PRMT1: variants seen among roughly 807,000 people sequenced by gnomAD.
The protein encoded by PRMT1 is protein arginine methyltransferase 1, also known as protein arginine N-methyltransferase 1.
PRMT1 carries 5 observed loss-of-function variants against 47.4 expected under a neutral mutation model. The ratio of observed to expected loss-of-function variants is 0.11; its 90% CI spans 0.06 to 0.22. The LOEUF (loss-of-function observed/expected upper bound fraction) is 0.22. Among genes scored for constraint, PRMT1 ranks in the 10% least tolerant of loss-of-function variants. PRMT1 has a pLI of 1.00. For missense variants in PRMT1, 249 were observed against 518.4 expected (o/e 0.48, Z 5.05); for synonymous variants, 227 against 204.6 (o/e 1.11, Z -0.94).
chr19:49,678,449 C>T (rs890693761), intron 1 of PRMT1, among the ~76,000 whole-genome samples: 1 of 152,088 alleles, frequency 6.6e-6, no homozygotes, highest in Admixed American at 6.6e-5. Flanking sequence ...CGGTAGTTTT[C>T]AGTGGTATTG....
In PRMT1 at chr19:49,685,675, G is replaced by T; in HGVS notation, c.760-418G>T. The T allele has an allele frequency of 1.9e-6, 2 of 1,035,984 alleles. No individual in the cohort carries two copies. Among genetic ancestry groups the T allele is most frequent in the Non-Finnish European group, 2.3e-6 (2 of 860,898 alleles). 64.2% of individuals were successfully genotyped at this position (1,035,984 alleles called of 1,614,324 possible). ...GAGTGGGGGAGGAGAGGAGACTACA[G>T]GGGCAGGGACCCCACTCGGGCCACC... On this transcript the variant is annotated intron_variant, in intron 8 of 10. Transcript: ENST00000454376. This position sits in a 1 kb window ranked among gnomAD's most constrained non-coding sequence, Gnocchi z 4.7.
chr19:49,685,855 C>G lies in PRMT1; in HGVS notation c.760-238C>G. On this transcript the variant is annotated intron_variant, in intron 8 of 10. Coordinates refer to ENST00000454376, the MANE Select transcript of PRMT1 (RefSeq NM_001536.6). The surrounding 1 kb of genome is among the most constrained non-coding windows in gnomAD (Gnocchi z 4.7). ...TCTGGACAGAGTTAGGGTGGCACTG[C>G]CAGGTTTGGGTGTTGGAGAGGAGGG... The G allele has an allele frequency of 7.3e-7, 1 of 1,369,358 alleles. No homozygotes were observed. The highest frequency in any genetic ancestry group is 1.6e-5 in the South Asian group (1 of 61,566). 84.8% of individuals were successfully genotyped at this position (1,369,358 alleles called of 1,614,324 possible).
Position 49,688,097 on chromosome 19 carries a change from C to T in PRMT1, c.1033-65C>T. On this transcript the variant is annotated intron_variant, in intron 10 of 10. Transcript: ENST00000454376. The surrounding 1 kb of genome is among the most constrained non-coding windows in gnomAD (Gnocchi z 5.3). Reference sequence around the variant, plus strand: ...CCCGGCTCATCGTCGCATAGCCTGCCTGCACCCGCCCCCCGCCACCACCTC... The same window carrying T: ...CCCGGCTCATCGTCGCATAGCCTGCTTGCACCCGCCCCCCGCCACCACCTC... 1 of 1,414,868 alleles carries T rather than the reference C, an allele frequency of 7.1e-7. No homozygotes were observed. The highest frequency in any genetic ancestry group is 1.7e-5 in the Admixed American group (1 of 59,736). 87.6% of individuals were successfully genotyped at this position (1,414,868 alleles called of 1,614,324 possible). A position where few individuals can be genotyped will look rare whatever the true frequency, so the allele number is the denominator to read the frequency against.
chr19:49,682,213 C>T lies in PRMT1; in HGVS notation c.366C>T (p.Ile122=). The change falls in exon 5 of 11, where the codon ATC becomes ATT. Residue 122 remains isoleucine (I), a synonymous_variant. Transcript: ENST00000454376. The part of the protein sequence containing the change: ...RKVIGIECSS[I]SDYAVKIVKA... ...GCCCTCAGATCGAGTGTTCCAGTAT[C>T]TCTGATTATGCGGTGAAGATCGTCA... The T allele has an allele frequency of 6.2e-7, 1 of 1,614,096 alleles. No homozygotes were observed. Among genetic ancestry groups the T allele is most frequent in the South Asian group, 1.1e-5 (1 of 91,080 alleles).
rs1408872993 is a variant in PRMT1 at position 49,680,118 on chromosome 19, C to T, written c.90+193C>T. On this transcript the variant is annotated intron_variant, in intron 2 of 10. Coordinates refer to ENST00000454376, the MANE Select transcript of PRMT1 (RefSeq NM_001536.6). This position sits in a 1 kb window ranked among gnomAD's most constrained non-coding sequence, Gnocchi z 4.2. Reference sequence around the variant, plus strand: ...CTGGCCTCCCCCAGTATCGCCGCTACTTCCTTAACTCCACCTCCAACCCCC... The same window carrying T: ...CTGGCCTCCCCCAGTATCGCCGCTATTTCCTTAACTCCACCTCCAACCCCC... 1.7e-6 allele frequency: 2 copies of T among 1,183,832 alleles called. No homozygotes were observed. The highest frequency in any genetic ancestry group is 1.3e-5 in the South Asian group (1 of 74,998). The allele number at this position is 1,183,832 out of a possible 1,614,324, so 73.3% of individuals were successfully genotyped here.
rs376856815 is a variant in PRMT1 at position 49,688,101 on chromosome 19, A to AC, written c.1033-58dup. ...GCTCATCGTCGCATAGCCTGCCTGC[A>AC]CCCGCCCCCCGCCACCACCTCCTGG... On this transcript the variant is annotated intron_variant, in intron 10 of 10. Transcript: ENST00000454376. The surrounding 1 kb of genome is among the most constrained non-coding windows in gnomAD (Gnocchi z 5.3). 2.0e-4 allele frequency: 289 copies of AC among 1,444,740 alleles called. 2 individuals carry two copies. The African/African-American group carries it at 2.4e-3, about 12-fold the overall frequency. 89.5% of individuals were successfully genotyped at this position (1,444,740 alleles called of 1,614,324 possible). A position where few individuals can be genotyped will look rare whatever the true frequency, so the allele number is the denominator to read the frequency against.
Position 49,688,346 on chromosome 19 carries a change from A to T in PRMT1, c.*101A>T. On this transcript the variant is annotated 3_prime_UTR_variant, in exon 11 of 11. Transcript: ENST00000454376. This position sits in a 1 kb window ranked among gnomAD's most constrained non-coding sequence, Gnocchi z 5.3. ...CCTCCCTCCCGCAGAAGGGGGTTTT[A>T]GGGGCCTGGGCTGGGGGGATGGGGA... 3 of 1,124,324 alleles carry T rather than the reference A, an allele frequency of 2.7e-6. No homozygotes were observed. Among genetic ancestry groups the T allele is most frequent in the Non-Finnish European group, 4.0e-6 (3 of 752,860 alleles). The allele number at this position is 1,124,324 out of a possible 1,614,324, so 69.6% of individuals were successfully genotyped here. A position where few individuals can be genotyped will look rare whatever the true frequency, so the allele number is the denominator to read the frequency against.
At chr19:49,677,764 G>T (rs1158405924) in intron 1 of PRMT1, among the ~76,000 whole-genome samples, 2 of 152,130 alleles carry the variant, frequency 1.3e-5, no homozygotes, top group African/African-American at 2.4e-5. Context: ...ACGCCGTGGG[G>T]TGTGATCGAC....
chr19:49,681,886 G>A lies in PRMT1; in HGVS notation c.193-24G>A, dbSNP rs377108642. ...CTGGGGATATGGGGCCCCTCACGGC[G>A]TCTCTGTGCCATTCTTGCCCTAGGA... On this transcript the variant is annotated intron_variant, in intron 3 of 10. Coordinates refer to ENST00000454376, the MANE Select transcript of PRMT1 (RefSeq NM_001536.6). This position sits in a 1 kb window ranked among gnomAD's most constrained non-coding sequence, Gnocchi z 4.4. 63 of 1,602,394 alleles carry A rather than the reference G, an allele frequency of 3.9e-5. No individual in the cohort carries two copies. The East Asian group carries it at 6.5e-4, about 17-fold the overall frequency.
chr19:49,679,154 G>C (rs1481406418), intron 1 of PRMT1, among the ~76,000 whole-genome samples: 1 of 152,066 alleles, frequency 6.6e-6, no homozygotes, highest in Admixed American at 6.5e-5. Flanking sequence ...AAAGTGCCGG[G>C]ATTGCAGGTG....
Position 49,688,126 on chromosome 19 carries a change from G to A in PRMT1, c.1033-36G>A, listed in dbSNP as rs2082239348. 2 of 1,594,518 alleles carry A rather than the reference G, an allele frequency of 1.3e-6. No individual in the cohort carries two copies. The highest frequency in any genetic ancestry group is 2.2e-5 in the South Asian group (2 of 90,698). On this transcript the variant is annotated intron_variant, in intron 10 of 10. Transcript: ENST00000454376. The surrounding 1 kb of genome is among the most constrained non-coding windows in gnomAD (Gnocchi z 5.3). ...ACCCGCCCCCCGCCACCACCTCCTG[G>A]TGGGTTCCGCCCTCATGCCCCACCT...
rs181900763 is a variant in PRMT1 at position 49,685,769 on chromosome 19, G to A, written c.760-324G>A. 6.9e-4 allele frequency: 793 copies of A among 1,143,596 alleles called. No homozygotes were observed. The highest frequency in any genetic ancestry group is 8.1e-4 in the Non-Finnish European group (751 of 927,482). The allele number at this position is 1,143,596 out of a possible 1,614,324, so 70.8% of individuals were successfully genotyped here. ...TTGTGTTGCCGTTTGAAGCCATCAT[G>A]TTGTTGGACTTGTCAAGGGGTTGGG... On this transcript the variant is annotated intron_variant, in intron 8 of 10. Coordinates refer to ENST00000454376, the MANE Select transcript of PRMT1 (RefSeq NM_001536.6). The surrounding 1 kb of genome is among the most constrained non-coding windows in gnomAD (Gnocchi z 4.7).
upstream of PRMT1, chr19:49,677,210 A>C (rs778902572): frequency 3.0e-6 from 4 of 1,350,830 alleles, no homozygotes; most frequent in Non-Finnish European, 3.9e-6. Context: ...CCTCTGGTAT[A>C]AGGCGGTCCC....
At position 49,684,703 on chromosome 19, in the gene PRMT1, G is replaced by A. The variant is rs765163963; in HGVS notation, c.556-51G>A. On this transcript the variant is annotated intron_variant, in intron 6 of 10. Transcript: ENST00000454376. The surrounding 1 kb of genome is among the most constrained non-coding windows in gnomAD (Gnocchi z 6.2). ...GGCCACATCTTGGAGGCAAGACTCA[G>A]GGTAGTGTTGCCAGGCCCCACCCTT... 3.5e-5 allele frequency: 54 copies of A among 1,524,430 alleles called. No individual in the cohort carries two copies. Among genetic ancestry groups the A allele is most frequent in the Non-Finnish European group, 4.5e-5 (51 of 1,125,356 alleles). The allele number at this position is 1,524,430 out of a possible 1,614,324, so 94.4% of individuals were successfully genotyped here. A position where few individuals can be genotyped will look rare whatever the true frequency, so the allele number is the denominator to read the frequency against.
upstream of PRMT1, chr19:49,677,267 A>T: frequency 7.0e-7 from 1 of 1,419,182 alleles, no homozygotes; most frequent in Non-Finnish European, 9.2e-7. Context: ...GAGGAGGAGT[A>T]GGTGCGGGTG....
At chr19:49,686,483 G>A in intron 9 of PRMT1, 122 bp from the exon 10 acceptor site, 2 of 1,246,464 alleles carry the variant, frequency 1.6e-6, no homozygotes, top group Non-Finnish European at 2.2e-6. Context: ...ATGACAGGGA[G>A]GTGACTCGCG....
In PRMT1 at chr19:49,681,942, T is replaced by G. The variant is rs143467686; in HGVS notation, c.225T>G (p.Thr75=). 2 of 1,614,012 alleles carry G rather than the reference T, an allele frequency of 1.2e-6. No individual in the cohort carries two copies. Among genetic ancestry groups the G allele is most frequent in the Non-Finnish European group, 1.7e-6 (2 of 1,180,034 alleles). The part of the protein sequence containing the change: ...EMLKDEVRTL[T]YRNSMFHNRH... ...TGAAGGACGAGGTGCGCACCCTCAC[T>G]TACCGCAACTCCATGTTTCATAACC... The change falls in exon 4 of 11, where the codon ACT becomes ACG. Residue 75 remains threonine (T), a synonymous_variant. Transcript: ENST00000454376. The surrounding 1 kb of genome is among the most constrained non-coding windows in gnomAD (Gnocchi z 4.4).
At position 49,685,349 on chromosome 19, in the gene PRMT1, G is replaced by T. The variant is rs760408049; in HGVS notation, c.759+312G>T. The T allele has an allele frequency of 1.5e-6, 2 of 1,292,040 alleles. No individual in the cohort carries two copies. The highest frequency in any genetic ancestry group is 3.8e-5 in the East Asian group (1 of 26,524). The allele number at this position is 1,292,040 out of a possible 1,614,324, so 80.0% of individuals were successfully genotyped here. On this transcript the variant is annotated intron_variant, in intron 8 of 10. Transcript: ENST00000454376. The surrounding 1 kb of genome is among the most constrained non-coding windows in gnomAD (Gnocchi z 4.7). ...GGGCGATGAGCGGATGCACATGCACGCGGGCCACTGCAGAAGAGCACGGGG... is the reference window on the plus strand; with the variant it reads ...GGGCGATGAGCGGATGCACATGCACTCGGGCCACTGCAGAAGAGCACGGGG...
chr19:49,683,682 C>T (rs1260127786), intron 5 of PRMT1: 22 of 400,104 alleles, frequency 5.5e-5, no homozygotes, highest in Admixed American at 2.4e-4. Context: ...AGCAAGACTC[C>T]GTCTCAAAAA....
Sources: gnomAD v4.1 joint callset for allele counts (sites outside exome capture counted in the v4.1 genomes callset) on GRCh38, gnomAD v4.1.1 for gene constraint, Gnocchi (gnomAD v3.1) non-coding constraint, MANE v1.5 for transcripts, NCBI Gene and HGNC (gene_info 2026-07-23, HGNC 2026-07-21) for gene names.